AGBL1: variants seen among roughly 807,000 people sequenced by gnomAD.
AGBL1 encodes cytosolic carboxypeptidase 4.
AGBL1 carries 130 observed loss-of-function variants against 118.9 expected under a neutral mutation model. That is an observed-to-expected ratio of 1.09 (90% CI 0.95 to 1.26). The LOEUF is 1.26. Ranked by LOEUF, AGBL1 falls within the 50% of genes most tolerant of loss-of-function variation. AGBL1 has a pLI of 0.00. For synonymous variants in AGBL1, 555 were observed against 478.9 expected, an observed-to-expected ratio of 1.16 and a Z score of -2.08; for missense variants, 1,584 against 1,298.1, an observed-to-expected ratio of 1.22 and a Z score of -3.38.
At chr15:86,100,539 T>C (rs1036899835) in intron 1 of AGBL1, among the ~76,000 whole-genome samples, 29 of 152,206 alleles carry the variant, frequency 1.9e-4, no homozygotes, top group African/African-American at 7.0e-4. Flanking sequence ...TTAATCTCAT[T>C]ACTCATTATT....
chr15:86,834,520 A>G (rs2079146392), intron 22 of AGBL1, among the ~76,000 whole-genome samples: 1 of 152,356 alleles, frequency 6.6e-6, no homozygotes, highest in African/African-American at 2.4e-5. Context: ...GGATCTGCTC[A>G]TAAAAATAGA....
At chr15:86,679,252 AGTATT>A (rs2085906176) in intron 22 of AGBL1, among the ~76,000 whole-genome samples, 1 of 152,080 alleles carries the variant, frequency 6.6e-6, no homozygotes, top group South Asian at 2.1e-4. Context: ...TCATCAGTAA[AGTATT>A]GTAGGGATTC....
chr15:87,004,554 C>T (rs1424541372), intron 24 of AGBL1, among the ~76,000 whole-genome samples: 1 of 152,114 alleles, frequency 6.6e-6, no homozygotes, highest in Non-Finnish European at 1.5e-5. Flanking sequence ...GATCTTCCTC[C>T]ATCCCTTTAT....
intron 22 of AGBL1, among the ~76,000 whole-genome samples, chr15:86,810,022 C>G (rs2078767233): frequency 6.6e-6 from 1 of 152,116 alleles, no homozygotes; most frequent in Non-Finnish European, 1.5e-5. Flanking sequence ...ATTAAAACAT[C>G]ACATTAATTC....
intron 19 of AGBL1, among the ~76,000 whole-genome samples, chr15:86,524,837 T>G (rs1049564391): frequency 6.6e-6 from 1 of 152,178 alleles, no homozygotes; most frequent in African/African-American, 2.4e-5. Flanking sequence ...TCAATCTTTT[T>G]TTGCTTAGAG....
At chr15:86,319,822 T>C (rs1462059913) in intron 17 of AGBL1, among the ~76,000 whole-genome samples, 3 of 132,560 alleles carry the variant, frequency 2.3e-5, no homozygotes, top group Non-Finnish European at 4.7e-5. Flanking sequence ...AATGGCACGA[T>C]CTTGGTTCAC....
intron 17 of AGBL1, among the ~76,000 whole-genome samples, chr15:86,396,637 A>T (rs1191439627): frequency 6.6e-6 from 1 of 152,162 alleles, no homozygotes; most frequent in Non-Finnish European, 1.5e-5. Flanking sequence ...AAGGAATGAG[A>T]GGGACCATCC....
Position 86,102,581 on chromosome 15 carries a change from G to A in AGBL1, c.51+22558G>A, listed in dbSNP as rs536536836. On this transcript the variant is annotated intron_variant, in intron 1 of 22. Coordinates refer to ENST00000614907, the MANE Select transcript of AGBL1 (RefSeq NM_001386094.1). ...TATAGTATTCTTGCATAATATTCCC[G>A]CCCCACCAGCACTTTTAATATATCA... 4.5e-4 allele frequency among the ~76,000 whole-genome samples: 68 copies of A among 152,090 alleles called. 1 individual carries two copies. Among genetic ancestry groups the A allele is most frequent in the Admixed American group, 2.2e-3 (33 of 15,284 alleles).
intron 22 of AGBL1, among the ~76,000 whole-genome samples, chr15:86,700,714 T>C (rs566691422): frequency 6.6e-6 from 1 of 152,270 alleles, no homozygotes; most frequent in South Asian, 2.1e-4. Context: ...TTGTGTTTTA[T>C]TCTGTGCCTC....
chr15:86,294,025 G>C lies in AGBL1; in HGVS notation c.2221-1230G>C, dbSNP rs2079591487. ...TTCCACTGTCAGGGGATGCAGTGCAGGTGGGGAAAATCTCTTAGCCTCTCT... is the reference window on the plus strand; with the variant it reads ...TTCCACTGTCAGGGGATGCAGTGCACGTGGGGAAAATCTCTTAGCCTCTCT... On this transcript the variant is annotated intron_variant, in intron 16 of 22. Coordinates refer to ENST00000614907, the MANE Select transcript of AGBL1 (RefSeq NM_001386094.1). 2.0e-5 allele frequency among the ~76,000 whole-genome samples: 3 copies of C among 152,198 alleles called. No homozygotes were observed. In the South Asian group the frequency reaches 6.2e-4, roughly 32 times the overall value.
chr15:86,627,448 G>A (rs2084905018), intron 21 of AGBL1, among the ~76,000 whole-genome samples: 1 of 152,142 alleles, frequency 6.6e-6, no homozygotes, highest in Non-Finnish European at 1.5e-5. Context: ...GAGATACCAA[G>A]GTACAAATGT....
chr15:86,564,489 C>T (rs1235672964), intron 21 of AGBL1, among the ~76,000 whole-genome samples: 3 of 152,190 alleles, frequency 2.0e-5, no homozygotes, highest in African/African-American at 7.2e-5. Context: ...AGAGTTTCTG[C>T]CGAGAGATCT....
At chr15:86,906,770 T>C (rs144827014) in intron 22 of AGBL1, among the ~76,000 whole-genome samples, 211 of 152,200 alleles carry the variant, frequency 1.4e-3, no homozygotes, top group African/African-American at 4.8e-3. Context: ...AAATGTATAC[T>C]CTGCTGGCAA....
At chr15:87,012,680 A>C (rs1370107422) in intron 24 of AGBL1, among the ~76,000 whole-genome samples, 1 of 152,004 alleles carries the variant, frequency 6.6e-6, no homozygotes, top group Non-Finnish European at 1.5e-5. Flanking sequence ...TCTCACCCTA[A>C]ATATGTCCAG....
intron 24 of AGBL1, among the ~76,000 whole-genome samples, chr15:87,011,146 A>T (rs139683082): frequency 6.6e-6 from 1 of 152,330 alleles, no homozygotes; most frequent in African/African-American, 2.4e-5. Flanking sequence ...CAGAAGTTAC[A>T]TAAGAACCTG....
chr15:86,109,772 C>T (rs1685377747), intron 1 of AGBL1: 12 of 152,232 alleles, frequency 7.9e-5, no homozygotes, highest in Admixed American at 7.2e-4. Context: ...CCATGACTCA[C>T]ATTCAGTGCT....
intron 22 of AGBL1, among the ~76,000 whole-genome samples, chr15:86,823,774 A>T (rs1268077212): frequency 1.3e-5 from 2 of 152,118 alleles, no homozygotes; most frequent in Non-Finnish European, 2.9e-5. Context: ...AAAGACCCTA[A>T]AGCAAATTTG....
intron 17 of AGBL1, among the ~76,000 whole-genome samples, chr15:86,352,489 T>G (rs2080642853): frequency 6.6e-6 from 1 of 152,054 alleles, no homozygotes; most frequent in Non-Finnish European, 1.5e-5. Context: ...TACTTTTTTT[T>G]TTTTTGGAAT....
intron 18 of AGBL1, among the ~76,000 whole-genome samples, chr15:86,491,006 C>G (rs2082770549): frequency 6.6e-6 from 1 of 152,088 alleles, no homozygotes; most frequent in African/African-American, 2.4e-5. Context: ...TCTTTCTAGG[C>G]TCTTTGTCTA....
Sources: gnomAD v4.1 joint callset for allele counts (sites outside exome capture counted in the v4.1 genomes callset) on GRCh38, gnomAD v4.1.1 for gene constraint, MANE v1.5 for transcripts, NCBI Gene and HGNC (gene_info 2026-07-23, HGNC 2026-07-21) for gene names.